C16orf74: variants seen among roughly 807,000 people sequenced by gnomAD.
The protein encoded by C16orf74 is calcimembrin.
Under a neutral mutation model 6.5 loss-of-function variants are expected in C16orf74, and 10 were observed. The ratio of observed to expected loss-of-function variants is 1.54; its 90% CI spans 0.95 to 2.61. The LOEUF is 2.61. C16orf74 is among the 30% of genes most tolerant of loss of function. C16orf74 has a pLI of 0.00. For missense variants in C16orf74, 141 were observed against 105.9 expected (o/e 1.33, Z -1.45); for synonymous variants, 60 against 42.5 (o/e 1.41, Z -1.60).
At chr16:85,714,514 G>C (rs2054002345) in intron 2 of C16orf74, among the ~76,000 whole-genome samples, 1 of 151,856 alleles carries the variant, frequency 6.6e-6, no homozygotes, top group Admixed American at 6.6e-5. Flanking sequence ...CTGCCTCCTG[G>C]GTTCAAGCGA....
chr16:85,725,077 C>T (rs890260947), intron 2 of C16orf74, among the ~76,000 whole-genome samples: 1 of 152,012 alleles, frequency 6.6e-6, no homozygotes, highest in Non-Finnish European at 1.5e-5. Context: ...GGGGGGGGAC[C>T]GGCTAAGTCC....
intron 1 of C16orf74, among the ~76,000 whole-genome samples, chr16:85,746,857 G>A (rs982812882): frequency 5.3e-5 from 8 of 152,196 alleles, no homozygotes; most frequent in African/African-American, 1.9e-4. Context: ...CTTTCTTTCT[G>A]CAGCAGGATT....
intron 2 of C16orf74, among the ~76,000 whole-genome samples, chr16:85,713,328 G>C (rs2053988385): frequency 6.6e-6 from 1 of 152,130 alleles, no homozygotes; most frequent in Non-Finnish European, 1.5e-5. Flanking sequence ...CTGCAGTGCA[G>C]TGGCACAATC....
chr16:85,708,731 C>T (rs1222187200), intron 3 of C16orf74, among the ~76,000 whole-genome samples: 1 of 152,224 alleles, frequency 6.6e-6, no homozygotes, highest in African/African-American at 2.4e-5. Context: ...ACTGGCCCAA[C>T]CCAGAGGGGC....
At chr16:85,708,883 A>G (rs2053939139) in intron 3 of C16orf74, among the ~76,000 whole-genome samples, 1 of 152,204 alleles carries the variant, frequency 6.6e-6, no homozygotes, top group South Asian at 2.1e-4. Flanking sequence ...TGTCCCCTGC[A>G]TGGGCCCAGC....
intron 2 of C16orf74, among the ~76,000 whole-genome samples, chr16:85,711,547 C>T (rs960799404): frequency 2.1e-4 from 32 of 149,652 alleles, no homozygotes; most frequent in Admixed American, 4.0e-4. Flanking sequence ...TGCTTGAATC[C>T]GGGAGGCGGA....
intron 1 of C16orf74, chr16:85,744,240 A>AAG (rs1475500710): frequency 6.6e-6 from 1 of 150,428 alleles, no homozygotes; most frequent in East Asian, 1.9e-4. Flanking sequence ...AAAAAAAAAA[A>AAG]AAAAAAAGAA....
intron 2 of C16orf74, among the ~76,000 whole-genome samples, chr16:85,730,583 ACAACTAAACCCCCAGACCAGC>A (rs1567808535): frequency 2.7e-5 from 3 of 112,142 alleles, no homozygotes; most frequent in Non-Finnish European, 5.1e-5. Flanking sequence ...CCCAGACCAC[ACAACTAAACCCCCAGACCAGC>A]CAACTAAACC....
At chr16:85,750,818 G>T (rs1042284983) in intron 1 of C16orf74, 108 bp downstream of exon 1, 6 of 152,112 alleles carry the variant, frequency 3.9e-5, no homozygotes, top group Non-Finnish European at 8.8e-5. Flanking sequence ...CGCCCCTGCA[G>T]CGGCTAGAGC....
At chr16:85,731,232 C>T (rs187100411) in intron 2 of C16orf74, among the ~76,000 whole-genome samples, 2 of 152,356 alleles carry the variant, frequency 1.3e-5, no homozygotes, top group African/African-American at 4.8e-5. Flanking sequence ...AAGGCAGGAA[C>T]CACTGTGTAA....
At chr16:85,741,402 G>A (rs1478240412) in intron 1 of C16orf74, among the ~76,000 whole-genome samples, 1 of 152,156 alleles carries the variant, frequency 6.6e-6, no homozygotes, top group Non-Finnish European at 1.5e-5. Flanking sequence ...GGAAGGCAGG[G>A]AGGGAAGGAG....
intron 2 of C16orf74, 111 bp downstream of exon 2, chr16:85,735,079 G>C (rs1257700556): frequency 1.0e-5 from 9 of 857,822 alleles, no homozygotes; most frequent in Non-Finnish European, 1.6e-5. Flanking sequence ...TTAAGGGATG[G>C]TGCCCTGCTC....
At chr16:85,712,474 G>A (rs407302) in intron 2 of C16orf74, among the ~76,000 whole-genome samples, 41,969 of 152,172 alleles carry the variant, frequency 0.28, 6,309 homozygotes, top group Middle Eastern at 0.36. Context: ...AATCACAGGA[G>A]GCTTCTCAGG....
chr16:85,734,378 C>G lies in C16orf74; in HGVS notation c.28+812G>C, dbSNP rs548109901. 5.3e-5 allele frequency among the ~76,000 whole-genome samples: 8 copies of G among 152,258 alleles called. No individual in the cohort carries two copies. The South Asian group carries it at 1.7e-3, about 32-fold the overall frequency. ...CACAACTCACACCATGCAGGCTGAT[C>G]CCAGGCTTGGCTCAGCTCCCAACCA... On this transcript the variant is annotated intron_variant, in intron 2 of 3. Transcript: ENST00000284245.
intron 1 of C16orf74, among the ~76,000 whole-genome samples, chr16:85,746,121 A>G (rs6540076): frequency 0.65 from 98,221 of 152,028 alleles, 33,587 homozygotes; most frequent in East Asian, 0.9. Flanking sequence ...ATGAGGCGGC[A>G]GGCAGATCAC....
intron 2 of C16orf74, among the ~76,000 whole-genome samples, chr16:85,723,233 C>G (rs756452352): frequency 2.7e-4 from 38 of 139,950 alleles, no homozygotes; most frequent in Non-Finnish European, 5.1e-4. Context: ...GTACTCCAGC[C>G]TGGGCAACAG....
chr16:85,724,715 C>T (rs1016209968), intron 2 of C16orf74, among the ~76,000 whole-genome samples: 2 of 152,084 alleles, frequency 1.3e-5, no homozygotes, highest in South Asian at 4.1e-4. Context: ...CCCCGGCCGG[C>T]GGGAGGGTCA....
intron 2 of C16orf74, among the ~76,000 whole-genome samples, chr16:85,712,181 G>A (rs1329196201): frequency 6.6e-6 from 1 of 152,204 alleles, no homozygotes. Context: ...CTCAGCAGTG[G>A]AGCCTCCAGC....
chr16:85,749,312 G>GTC (rs2054409225), intron 1 of C16orf74, among the ~76,000 whole-genome samples: 1 of 151,982 alleles, frequency 6.6e-6, no homozygotes, highest in Admixed American at 6.6e-5. Flanking sequence ...AAGAGACAGG[G>GTC]TCTCCCTCTG....
Sources: allele counts gnomAD v4.1 joint callset (sites outside exome capture counted in the v4.1 genomes callset), GRCh38; gene constraint gnomAD v4.1.1; transcripts MANE v1.5; gene names NCBI Gene and HGNC (gene_info 2026-07-23, HGNC 2026-07-21).